The following FBXL17 variants were observed in gnomAD, a reference collection of about 807,000 sequenced individuals.
The protein encoded by FBXL17 is F-box and leucine rich repeat protein 17, also known as F-box/LRR-repeat protein 17.
A neutral mutation model predicts 66.2 loss-of-function variants in FBXL17; 22 were observed. The observed-to-expected ratio is 0.33, with a 90% CI of 0.24 to 0.47. FBXL17 has a LOEUF of 0.47. FBXL17 is among the 20% of genes least tolerant of loss of function. The pLI is 1.00. For missense variants in FBXL17, 878 were observed against 948.2 expected (o/e 0.93, Z 0.97); for synonymous variants, 474 against 400.5 (o/e 1.18, Z -2.19).
At chr5:108,171,744 G>C (rs1169947147) in intron 6 of FBXL17, among the ~76,000 whole-genome samples, 1 of 152,198 alleles carries the variant, frequency 6.6e-6, no homozygotes, top group East Asian at 1.9e-4. Context: ...CTGAAGGCTT[G>C]ACTAAGATTG....
intron 7 of FBXL17, among the ~76,000 whole-genome samples, chr5:107,912,406 A>C (rs561136582): frequency 6.6e-6 from 1 of 152,116 alleles, no homozygotes; most frequent in Non-Finnish European, 1.5e-5. Flanking sequence ...AAAATGAAGA[A>C]GAGCTTAATG....
intron 4 of FBXL17, among the ~76,000 whole-genome samples, chr5:108,281,747 G>T (rs539557171): frequency 6.6e-6 from 1 of 151,614 alleles, no homozygotes; most frequent in African/African-American, 2.4e-5. Context: ...ACAAAAAGTT[G>T]GTTTTTCAAA....
At chr5:107,928,410 T>C (rs1750607637) in intron 7 of FBXL17, among the ~76,000 whole-genome samples, 1 of 148,024 alleles carries the variant, frequency 6.8e-6, no homozygotes, top group Non-Finnish European at 1.5e-5. Flanking sequence ...GACAAAAAGC[T>C]ACATACTTTG....
intron 6 of FBXL17, among the ~76,000 whole-genome samples, chr5:108,095,832 G>A (rs936012780): frequency 1.3e-5 from 2 of 152,114 alleles, no homozygotes; most frequent in Non-Finnish European, 2.9e-5. Flanking sequence ...ATTTTATGAA[G>A]AGAACTGTCT....
At chr5:108,224,615 A>G (rs1755019604) in intron 4 of FBXL17, among the ~76,000 whole-genome samples, 1 of 151,998 alleles carries the variant, frequency 6.6e-6, no homozygotes, top group East Asian at 1.9e-4. Flanking sequence ...TTGTTTTGAC[A>G]GAGACTCACT....
At chr5:108,299,654 T>TA (rs112980527) in intron 4 of FBXL17, 13,650 of 660,610 alleles carry the variant, frequency 0.021, no homozygotes, top group Non-Finnish European at 0.023. Context: ...AAATTAAAAT[T>TA]AAAAAAAAAA....
chr5:108,131,257 T>C (rs1750921013), intron 6 of FBXL17, among the ~76,000 whole-genome samples: 1 of 152,148 alleles, frequency 6.6e-6, no homozygotes, highest in African/African-American at 2.4e-5. Flanking sequence ...TATTCACCAG[T>C]GGAAGTTCTG....
chr5:107,933,774 A>G (rs539888283), intron 7 of FBXL17, among the ~76,000 whole-genome samples: 31 of 152,246 alleles, frequency 2.0e-4, no homozygotes, highest in African/African-American at 7.5e-4. Context: ...GATTTATTCT[A>G]GGATATATCT....
chr5:107,873,512 C>T (rs1194399206), intron 8 of FBXL17, among the ~76,000 whole-genome samples: 2 of 152,132 alleles, frequency 1.3e-5, no homozygotes, highest in African/African-American at 4.8e-5. Flanking sequence ...TTTCTCTAGG[C>T]ACAGCATGGT....
intron 6 of FBXL17, among the ~76,000 whole-genome samples, chr5:108,075,555 AAC>A (rs1389796687): frequency 6.6e-6 from 1 of 152,078 alleles, no homozygotes; most frequent in Non-Finnish European, 1.5e-5. Context: ...TGGCTCACTC[AAC>A]CTCTGCCTCC....
At chr5:108,134,697 A>C (rs1751068297) in intron 6 of FBXL17, among the ~76,000 whole-genome samples, 1 of 152,170 alleles carries the variant, frequency 6.6e-6, no homozygotes, top group Admixed American at 6.6e-5. Context: ...GAACATTTGA[A>C]AACCATATGT....
rs1454242415 is a variant in FBXL17 at position 108,246,305 on chromosome 5, AGCCTGG to A, written c.1507-22083_1507-22078del. Among the ~76,000 whole-genome samples the A allele has an allele frequency of 2.6e-5, 4 of 152,184 alleles. No individual in the cohort carries two copies. The East Asian group carries it at 7.7e-4, about 29-fold the overall frequency. ...CACTTGAGCCTTGGAGTTCAAGACC[AGCCTGG>A]GCAAAATAGTGAAACCCTGTCTCAA... On this transcript the variant is annotated intron_variant, in intron 4 of 8. Transcript: ENST00000542267.
chr5:108,362,530 C>T (rs1748410048), intron 3 of FBXL17, among the ~76,000 whole-genome samples: 1 of 152,026 alleles, frequency 6.6e-6, no homozygotes. Flanking sequence ...ACAATAGGAA[C>T]ACATTCCACT....
At chr5:108,117,790 G>A (rs1750321716) in intron 6 of FBXL17, among the ~76,000 whole-genome samples, 1 of 152,154 alleles carries the variant, frequency 6.6e-6, no homozygotes, top group Admixed American at 6.5e-5. Flanking sequence ...GTTTTGAGAA[G>A]GCCTGCAATT....
intron 6 of FBXL17, among the ~76,000 whole-genome samples, chr5:108,093,887 T>C (rs947174672): frequency 5.9e-5 from 9 of 152,288 alleles, no homozygotes; most frequent in African/African-American, 2.2e-4. Context: ...ATCAAAGTCA[T>C]TAAATACTTA....
chr5:108,274,375 C>T (rs1363977109), intron 4 of FBXL17, among the ~76,000 whole-genome samples: 1 of 152,190 alleles, frequency 6.6e-6, no homozygotes, highest in Non-Finnish European at 1.5e-5. Flanking sequence ...TGATATTTCT[C>T]CCATTTGCTT....
intron 4 of FBXL17, among the ~76,000 whole-genome samples, chr5:108,326,650 G>T (rs1249215398): frequency 6.6e-6 from 1 of 151,944 alleles, no homozygotes; most frequent in Non-Finnish European, 1.5e-5. Context: ...CTTTACAAAA[G>T]AAGAGATAGG....
At chr5:108,175,197 C>T (rs913691706) in intron 6 of FBXL17, among the ~76,000 whole-genome samples, 8 of 152,132 alleles carry the variant, frequency 5.3e-5, no homozygotes, top group South Asian at 2.1e-4. Context: ...TGAGCAGGGC[C>T]GTGTGTGAGG....
rs147537912 is a variant in FBXL17 at position 108,312,740 on chromosome 5, G to C, written c.1506+35659C>G. ...AAGAAATGAGTCTCACTCTATTATT[G>C]TCCATAGGGCCAATTTAGTTATTCT... On this transcript the variant is annotated intron_variant, in intron 4 of 8. Coordinates refer to ENST00000542267, the MANE Select transcript of FBXL17 (RefSeq NM_001163315.3). 2.8e-3 allele frequency among the ~76,000 whole-genome samples: 419 copies of C among 151,994 alleles called. 4 individuals carry two copies. The highest frequency in any genetic ancestry group is 9.6e-3 in the African/African-American group (397 of 41,476).
Sources: gnomAD v4.1 joint callset for allele counts (sites outside exome capture counted in the v4.1 genomes callset) on GRCh38, gnomAD v4.1.1 for gene constraint, MANE v1.5 for transcripts, NCBI Gene and HGNC (gene_info 2026-07-23, HGNC 2026-07-21) for gene names.